The following TNNI3 variants were observed in gnomAD, a reference collection of about 807,000 sequenced individuals.
TNNI3 encodes the protein troponin I, cardiac muscle.
Under a neutral mutation model 31.5 loss-of-function variants are expected in TNNI3, and 23 were observed. The observed-to-expected ratio is 0.73, with a 90% CI of 0.52 to 1.03. The LOEUF is 1.03. Among genes scored for constraint, TNNI3 ranks in the 50% least tolerant of loss-of-function variants. The pLI is 0.00. For missense variants in TNNI3, 236 were observed against 282.9 expected, an observed-to-expected ratio of 0.83 and a Z score of 1.19; for synonymous variants, 120 against 111.7, an observed-to-expected ratio of 1.07 and a Z score of -0.47.
In TNNI3 at chr19:55,157,707, G is replaced by T; in HGVS notation, c.-118C>A. The T allele has an allele frequency of 1.6e-6, 2 of 1,213,924 alleles. No homozygotes were observed. Among genetic ancestry groups the T allele is most frequent in the South Asian group, 1.3e-5 (1 of 79,080 alleles). 75.2% of individuals were successfully genotyped at this position (1,213,924 alleles called of 1,614,324 possible). ...CCCAGGGACCGTCAGTCTCCTCCGG[G>T]CTGCTTGAGACTCCCCGAGGACACT... On this transcript the variant is annotated 5_prime_UTR_variant, in exon 1 of 8. Coordinates refer to ENST00000344887, the MANE Select transcript of TNNI3 (RefSeq NM_000363.5). The surrounding 1 kb of genome is among the most constrained non-coding windows in gnomAD (Gnocchi z 6.3).
chr19:55,157,674 T>A lies in TNNI3; in HGVS notation c.-85A>T. On this transcript the variant is annotated 5_prime_UTR_variant, in exon 1 of 8. It adds an upstream start codon to the 5' untranslated region. Transcript: ENST00000344887. This position sits in a 1 kb window ranked among gnomAD's most constrained non-coding sequence, Gnocchi z 6.3. ...CAGTGAGGGGGCCGCCCGGGTGACC[T>A]TCAGGGTCCCAGGGACCGTCAGTCT... The A allele has an allele frequency of 6.5e-7, 1 of 1,546,176 alleles. No individual in the cohort carries two copies. The highest frequency in any genetic ancestry group is 8.9e-7 in the Non-Finnish European group (1 of 1,122,940).
intron 6 of TNNI3, 141 bp downstream of exon 6, chr19:55,154,600 T>C (rs2085715171): frequency 1.3e-6 from 1 of 769,390 alleles, no homozygotes; most frequent in Non-Finnish European, 2.3e-6. Context: ...CTCATCCTTC[T>C]GCCCCAGCCC....
rs560901632 is a variant in TNNI3, at chr19:55,157,625, C to T, written c.-36G>A. ...AGGCCGGGAATGGCAGGAGGCAGGG[C>T]GAGGACAGGGGCGTTTGGAGGGTCA... On this transcript the variant is annotated 5_prime_UTR_variant, in exon 1 of 8. Coordinates refer to ENST00000344887, the MANE Select transcript of TNNI3 (RefSeq NM_000363.5). The surrounding 1 kb of genome is among the most constrained non-coding windows in gnomAD (Gnocchi z 6.3). 65 of 1,613,842 alleles carry T rather than the reference C, an allele frequency of 4.0e-5. No individual in the cohort carries two copies. The East Asian group carries it at 1.2e-3, about 29-fold the overall frequency.
chr19:55,156,506 C>G lies in TNNI3; in HGVS notation c.150+97G>C. 1 of 1,523,774 alleles carries G rather than the reference C, an allele frequency of 6.6e-7. No homozygotes were observed. The highest frequency in any genetic ancestry group is 8.9e-7 in the Non-Finnish European group (1 of 1,124,876). The allele number at this position is 1,523,774 out of a possible 1,614,324, so 94.4% of individuals were successfully genotyped here. ...AGCCACGCCCCGAGCGGCCAAACCC[C>G]GCCCACTTCCGCCCACCTACCCCGA... On this transcript the variant is annotated intron_variant, in intron 4 of 7. Coordinates refer to ENST00000344887, the MANE Select transcript of TNNI3 (RefSeq NM_000363.5). The surrounding 1 kb of genome is among the most constrained non-coding windows in gnomAD (Gnocchi z 4.6).
At position 55,156,274 on chromosome 19, in the gene TNNI3, C is replaced by G; in HGVS notation, c.209G>C (p.Gly70Ala). 2.5e-6 allele frequency: 4 copies of G among 1,611,506 alleles called. No homozygotes were observed. The highest frequency in any genetic ancestry group is 3.4e-6 in the Non-Finnish European group (4 of 1,179,510). ...GGTGCTCAGAGCGCGCCCCTTCTCTCCGCGCCGCTCCTCCGCCTCTCGCTC... is the reference window on the plus strand; with the variant it reads ...GGTGCTCAGAGCGCGCCCCTTCTCTGCGCGCCGCTCCTCCGCCTCTCGCTC... The part of the protein sequence containing the change: ...ELEREAEERR[G>A]EKGRALSTRC... The change falls in exon 5 of 8, where the codon GGA becomes GCA. Residue 70 changes from glycine to alanine, a missense_variant. Gly to Ala is a moderately conservative substitution (Grantham distance 60, BLOSUM62 0). Transcript: ENST00000344887. This position sits in a 1 kb window ranked among gnomAD's most constrained non-coding sequence, Gnocchi z 4.6.
chr19:55,156,899 A>T lies in TNNI3; in HGVS notation c.108+151T>A. 4.0e-6 allele frequency: 4 copies of T among 990,240 alleles called. No homozygotes were observed. The highest frequency in any genetic ancestry group is 6.1e-6 in the Non-Finnish European group (4 of 651,702). The allele number at this position is 990,240 out of a possible 1,614,324, so 61.3% of individuals were successfully genotyped here. A position where few individuals can be genotyped will look rare whatever the true frequency, so the allele number is the denominator to read the frequency against. On this transcript the variant is annotated intron_variant, in intron 3 of 7. Transcript: ENST00000344887. This position sits in a 1 kb window ranked among gnomAD's most constrained non-coding sequence, Gnocchi z 4.6. ...GGAGTTCCGCCCGCAGGCTGCTGTC[A>T]CCAATCCGAGCATGACCCTCTGCAA...
rs1260455696 is a variant in TNNI3, at chr19:55,156,725, A to T, written c.109-81T>A. On this transcript the variant is annotated intron_variant, in intron 3 of 7. Coordinates refer to ENST00000344887, the MANE Select transcript of TNNI3 (RefSeq NM_000363.5). This position sits in a 1 kb window ranked among gnomAD's most constrained non-coding sequence, Gnocchi z 4.6. Reference sequence around the variant, plus strand: ...GTGGAGGGGACCTCAAGACACCCCCAGCAAACCCAGCCGGTCCAGATTTGG... The same window carrying T: ...GTGGAGGGGACCTCAAGACACCCCCTGCAAACCCAGCCGGTCCAGATTTGG... 1.4e-6 allele frequency: 2 copies of T among 1,474,426 alleles called. No individual in the cohort carries two copies. Among genetic ancestry groups the T allele is most frequent in the South Asian group, 2.4e-5 (2 of 82,538 alleles). 91.3% of individuals were successfully genotyped at this position (1,474,426 alleles called of 1,614,324 possible). A position where few individuals can be genotyped will look rare whatever the true frequency, so the allele number is the denominator to read the frequency against.
intron 6 of TNNI3, 41 bp from the exon 7 acceptor site, chr19:55,154,247 C>T (rs1216225400): frequency 1.3e-6 from 2 of 1,592,700 alleles, no homozygotes; most frequent in Non-Finnish European, 1.7e-6. Flanking sequence ...CCTTCCATTT[C>T]CCGCACACCC....
chr19:55,157,371 C>CTGTCT lies in TNNI3; in HGVS notation c.12-64_12-63insAGACA. On this transcript the variant is annotated intron_variant, in intron 1 of 7. Transcript: ENST00000344887. The surrounding 1 kb of genome is among the most constrained non-coding windows in gnomAD (Gnocchi z 6.3). Reference sequence around the variant, plus strand: ...GGCTGTGTCCTGTCTCCTAAGGGACCCCTGGAGTCCCCTCTGAACAAGAGG... The same window carrying CTGTCT: ...GGCTGTGTCCTGTCTCCTAAGGGACCTGTCTCCTGGAGTCCCCTCTGAACAAGAGG... 6.2e-7 allele frequency: 1 copy of CTGTCT among 1,609,694 alleles called. No homozygotes were observed. The highest frequency in any genetic ancestry group is 8.5e-7 in the Non-Finnish European group (1 of 1,177,814).
chr19:55,155,029 G>A (rs932987934), intron 5 of TNNI3, among the ~76,000 whole-genome samples, 199 bp from the exon 6 acceptor site: 1 of 145,392 alleles, frequency 6.9e-6, no homozygotes, highest in African/African-American at 2.5e-5. Flanking sequence ...AAGGGGCTGG[G>A]GGCCTGGACT....
In TNNI3 at chr19:55,156,146, A is replaced by G; in HGVS notation, c.282+55T>C. On this transcript the variant is annotated intron_variant, in intron 5 of 7. Coordinates refer to ENST00000344887, the MANE Select transcript of TNNI3 (RefSeq NM_000363.5). This position sits in a 1 kb window ranked among gnomAD's most constrained non-coding sequence, Gnocchi z 4.6. ...GGGTCCCGAGCAGAAGAGGGGATAG[A>G]GGCTGTACTGCTGAATTCCGGGACT... 1 of 1,612,426 alleles carries G rather than the reference A, an allele frequency of 6.2e-7. No homozygotes were observed. Among genetic ancestry groups the G allele is most frequent in the Non-Finnish European group, 8.5e-7 (1 of 1,179,626 alleles).
At position 55,156,407 on chromosome 19, in the gene TNNI3, G is replaced by C; in HGVS notation, c.151-75C>G. 1 of 1,547,228 alleles carries C rather than the reference G, an allele frequency of 6.5e-7. No individual in the cohort carries two copies. Among genetic ancestry groups the C allele is most frequent in the South Asian group, 1.2e-5 (1 of 85,228 alleles). On this transcript the variant is annotated intron_variant, in intron 4 of 7. Coordinates refer to ENST00000344887, the MANE Select transcript of TNNI3 (RefSeq NM_000363.5). This position sits in a 1 kb window ranked among gnomAD's most constrained non-coding sequence, Gnocchi z 4.6. Reference sequence around the variant, plus strand: ...AGACCAGGCGTGGGGAACCGCCTCTGCCCTTCTAAACCCTCCAGTTTGGTC... The same window carrying C: ...AGACCAGGCGTGGGGAACCGCCTCTCCCCTTCTAAACCCTCCAGTTTGGTC...
In TNNI3 at chr19:55,156,867, G is replaced by C. The variant is rs1464440247; in HGVS notation, c.108+183C>G. ...CCCATCTATCCCTAAGCAAGTCCGA[G>C]GGCAACGGAGTTCCGCCCGCAGGCT... is the stretch of plus-strand genomic sequence containing the variant. On this transcript the variant is annotated intron_variant, in intron 3 of 7. Coordinates refer to ENST00000344887, the MANE Select transcript of TNNI3 (RefSeq NM_000363.5). This position sits in a 1 kb window ranked among gnomAD's most constrained non-coding sequence, Gnocchi z 4.6. 4.6e-6 allele frequency: 4 copies of C among 864,638 alleles called. No homozygotes were observed. The highest frequency in any genetic ancestry group is 1.7e-5 in the African/African-American group (1 of 59,946). 53.6% of individuals were successfully genotyped at this position (864,638 alleles called of 1,614,324 possible).
At position 55,152,832 on chromosome 19, in the gene TNNI3, C is replaced by A. The variant is rs183080837; in HGVS notation, c.550-915G>T. On this transcript the variant is annotated intron_variant, in intron 7 of 7. Transcript: ENST00000344887. This position sits in a 1 kb window ranked among gnomAD's most constrained non-coding sequence, Gnocchi z 4.0. ...TGTTTTGTTTTGAGATGGAGTCTCCCAGTGTTGCCTGGGCTGGAGTGCAGT... is the reference window on the plus strand; with the variant it reads ...TGTTTTGTTTTGAGATGGAGTCTCCAAGTGTTGCCTGGGCTGGAGTGCAGT... 1.1e-4 allele frequency among the ~76,000 whole-genome samples: 17 copies of A among 152,216 alleles called. No individual in the cohort carries two copies. In the East Asian group the frequency reaches 3.1e-3, roughly 28 times the overall value.
chr19:55,154,371 T>A, intron 6 of TNNI3, 165 bp from the exon 7 acceptor site: 1 of 739,356 alleles, frequency 1.4e-6, no homozygotes, highest in Admixed American at 2.2e-5. Context: ...ATCCTGGAAC[T>A]GAATCCCCCT....
rs1242688089 is a variant in TNNI3, at chr19:55,157,634, G to C, written c.-45C>G. 1.9e-6 allele frequency: 3 copies of C among 1,613,510 alleles called. No homozygotes were observed. The highest frequency in any genetic ancestry group is 2.5e-6 in the Non-Finnish European group (3 of 1,179,752). The stretch of plus-strand genomic sequence containing the variant: ...ATGGCAGGAGGCAGGGCGAGGACAG[G>C]GGCGTTTGGAGGGTCAGTGAGGGGG... On this transcript the variant is annotated 5_prime_UTR_variant, in exon 1 of 8. Transcript: ENST00000344887. This position sits in a 1 kb window ranked among gnomAD's most constrained non-coding sequence, Gnocchi z 6.3.
At chr19:55,154,661 G>T in intron 6 of TNNI3, 80 bp downstream of exon 6, 2 of 1,274,132 alleles carry the variant, frequency 1.6e-6, no homozygotes, top group Non-Finnish European at 2.3e-6. Flanking sequence ...GCCAAAAGCA[G>T]CTGCAAGGGG....
rs190870821 is a variant in TNNI3 at position 55,152,826 on chromosome 19, G to T, written c.550-909C>A. On this transcript the variant is annotated intron_variant, in intron 7 of 7. Transcript: ENST00000344887. This position sits in a 1 kb window ranked among gnomAD's most constrained non-coding sequence, Gnocchi z 4.0. ...CTGTTTTGTTTTGTTTTGAGATGGA[G>T]TCTCCCAGTGTTGCCTGGGCTGGAG... 5.1e-4 allele frequency among the ~76,000 whole-genome samples: 77 copies of T among 152,204 alleles called. No homozygotes were observed. Among genetic ancestry groups the T allele is most frequent in the African/African-American group, 1.8e-3 (74 of 41,512 alleles).
chr19:55,155,506 A>G (rs1436428643), intron 5 of TNNI3, among the ~76,000 whole-genome samples: 2 of 58,664 alleles, frequency 3.4e-5, no homozygotes, highest in Non-Finnish European at 6.6e-5. Flanking sequence ...TGGGGACTGG[A>G]CTCCTGGGTC....
Sources: allele counts gnomAD v4.1 joint callset (sites outside exome capture counted in the v4.1 genomes callset), GRCh38; gene constraint gnomAD v4.1.1; non-coding constraint Gnocchi (gnomAD v3.1); transcripts MANE v1.5; gene names NCBI Gene and HGNC (gene_info 2026-07-23, HGNC 2026-07-21).